Variants in KANK1 observed in about 807,000 individuals in gnomAD.
KANK1 encodes the protein KN motif and ankyrin repeat domain-containing protein 1.
In KANK1, 109 loss-of-function variants were observed where a neutral mutation model predicts 106.2. The observed-to-expected ratio is 1.03, with a 90% CI of 0.88 to 1.20. The LOEUF (loss-of-function observed/expected upper bound fraction) is 1.20, where lower values mean the gene tolerates loss of function less well. KANK1 is among the 50% of genes most tolerant of loss of function. The pLI, the probability that KANK1 is intolerant of heterozygous loss-of-function variation, is 0.00. For missense variants in KANK1, 2,399 were observed against 1,710.7 expected (o/e 1.40, Z -7.10); for synonymous variants, 873 against 652.2 (o/e 1.34, Z -5.16).
chr9:653,232 T>C (rs1841318373), intron 1 of KANK1, among the ~76,000 whole-genome samples: 1 of 152,068 alleles, frequency 6.6e-6, no homozygotes, highest in Non-Finnish European at 1.5e-5. Context: ...GCCCAGAGCA[T>C]TTAAGTAACG....
chr9:548,765 A>C (rs1208791604), intron 1 of KANK1, among the ~76,000 whole-genome samples: 2 of 152,178 alleles, frequency 1.3e-5, no homozygotes, highest in African/African-American at 4.8e-5. Context: ...TATAATGACC[A>C]CGTTATGTTT....
intron 2 of KANK1, among the ~76,000 whole-genome samples, chr9:708,996 T>C (rs1825132847): frequency 6.6e-6 from 1 of 152,240 alleles, no homozygotes; most frequent in Admixed American, 6.5e-5. Flanking sequence ...TTTAAATGTC[T>C]GGTTTAGCCT....
chr9:674,400 AGAG>A (rs149433964), intron 1 of KANK1: 63,947 of 144,310 alleles, frequency 0.44, 14,136 homozygotes, highest in East Asian at 0.66. Context: ...AAAAAAAAAA[AGAG>A]AGAGAGAAAA....
intron 1 of KANK1, among the ~76,000 whole-genome samples, chr9:569,720 T>C (rs1034085718): frequency 2.0e-5 from 3 of 152,238 alleles, no homozygotes; most frequent in Non-Finnish European, 2.9e-5. Flanking sequence ...GAAGTTTACT[T>C]CTCTGGTTGG....
At chr9:471,190 A>G (rs896616314) in intron 2 of KANK1, among the ~76,000 whole-genome samples, 4 of 152,114 alleles carry the variant, frequency 2.6e-5, no homozygotes, top group African/African-American at 9.7e-5. Flanking sequence ...GATGGACTGC[A>G]CCTCACCCCT....
At chr9:557,604 T>A (rs771055725) in intron 1 of KANK1, among the ~76,000 whole-genome samples, 2 of 152,218 alleles carry the variant, frequency 1.3e-5, no homozygotes, top group Non-Finnish European at 2.9e-5. Flanking sequence ...AATGTACATA[T>A]GATCTCATGG....
At chr9:642,863 G>T (rs568326724) in intron 1 of KANK1, among the ~76,000 whole-genome samples, 2 of 149,924 alleles carry the variant, frequency 1.3e-5, no homozygotes, top group Non-Finnish European at 2.9e-5. Flanking sequence ...CCTCTCCTTG[G>T]CTGTCTTTTC....
At chr9:518,501 G>C (rs190065296) in intron 1 of KANK1, among the ~76,000 whole-genome samples, 28 of 151,806 alleles carry the variant, frequency 1.8e-4, no homozygotes, top group Admixed American at 1.8e-3. Flanking sequence ...GGAGGGGTTC[G>C]GAGCATGGGT....
Position 710,915 on chromosome 9 carries a change from A to G in KANK1, c.149A>G (p.Asp50Gly), listed in dbSNP as rs61737971. 20 of 1,614,190 alleles carry G rather than the reference A, an allele frequency of 1.2e-5. No individual in the cohort carries two copies. In the Admixed American group the frequency reaches 2.8e-4, roughly 23 times the overall value. Residue 50 changes from aspartate (D) to glycine (G), a missense_variant, in exon 3 of 12, where the codon GAT becomes GGT. Coordinates refer to ENST00000382297, the MANE Select transcript of KANK1 (RefSeq NM_015158.5). ...GACTTAGATTTCCTCAAATATGTGG[A>G]TGACATACAGAAGGGAAATACCATC... ...QLDLDFLKYV[D>G]DIQKGNTIKR...
chr9:745,954 TG>T lies in KANK1; in HGVS notation c.*720del. The T allele has an allele frequency of 6.5e-6, 1 of 152,696 alleles. No homozygotes were observed. Among genetic ancestry groups the T allele is most frequent in the East Asian group, 1.9e-4 (1 of 5,204 alleles). The allele number at this position is 152,696 out of a possible 1,614,324, so 9.5% of individuals were successfully genotyped here. A position where few individuals can be genotyped will look rare whatever the true frequency, so the allele number is the denominator to read the frequency against. On this transcript the variant is annotated 3_prime_UTR_variant, in exon 12 of 12. Coordinates refer to ENST00000382297, the MANE Select transcript of KANK1 (RefSeq NM_015158.5). ...TGGATTGTGTTAGAGGAATCGGCTCTGTATTTGCCTCTAGAGAAACACAGTG... is the reference window on the plus strand; with the variant it reads ...TGGATTGTGTTAGAGGAATCGGCTCTTATTTGCCTCTAGAGAAACACAGTG...
At chr9:614,530 T>A (rs4585791) in intron 1 of KANK1, among the ~76,000 whole-genome samples, 53,232 of 152,056 alleles carry the variant, frequency 0.35, 10,960 homozygotes, top group African/African-American at 0.57. Context: ...TCTTAACAGT[T>A]GTGCTGCTGG....
chr9:657,029 A>C (rs1308477331), intron 1 of KANK1, among the ~76,000 whole-genome samples: 2 of 150,960 alleles, frequency 1.3e-5, no homozygotes, highest in Non-Finnish European at 1.5e-5. Context: ...GTGCTCATCA[A>C]ACAACTCTGT....
intron 1 of KANK1, among the ~76,000 whole-genome samples, chr9:600,254 A>G (rs1827397838): frequency 6.6e-6 from 1 of 151,462 alleles, no homozygotes; most frequent in Non-Finnish European, 1.5e-5. Flanking sequence ...AATTTTGACT[A>G]TTCTAGGTAC....
chr9:522,804 G>A (rs375476113), intron 1 of KANK1, among the ~76,000 whole-genome samples: 1 of 151,618 alleles, frequency 6.6e-6, no homozygotes, highest in African/African-American at 2.4e-5. Flanking sequence ...CTGACCACCA[G>A]CCTCTGACCT....
intron 1 of KANK1, among the ~76,000 whole-genome samples, chr9:545,724 CTTTTTTTTTTTT>C (rs61622402): frequency 3.9e-5 from 4 of 102,688 alleles, no homozygotes; most frequent in Non-Finnish European, 5.6e-5. Context: ...TGTACAGAGC[CTTTTTTTTTTTT>C]TTTTTTTTTT....
upstream of KANK1, among the ~76,000 whole-genome samples, chr9:502,321 TTGTA>T (rs1435171929): frequency 6.6e-6 from 1 of 152,192 alleles, no homozygotes; most frequent in Non-Finnish European, 1.5e-5. Context: ...TGGGAGTAAA[TTGTA>T]TGGCATGTGA....
intron 1 of KANK1, among the ~76,000 whole-genome samples, chr9:669,578 T>C (rs1845444234): frequency 6.6e-6 from 1 of 152,188 alleles, no homozygotes; most frequent in Admixed American, 6.5e-5. Context: ...CGGTTTCCAT[T>C]GAGAAGTGTG....
intron 1 of KANK1, among the ~76,000 whole-genome samples, chr9:619,018 G>A (rs1832524490): frequency 1.3e-5 from 2 of 152,190 alleles, no homozygotes; most frequent in Admixed American, 1.3e-4. Context: ...TACATTTTAT[G>A]AACTTAAATT....
intron 3 of KANK1, among the ~76,000 whole-genome samples, chr9:493,735 CAG>C (rs2058414893): frequency 6.6e-6 from 1 of 151,234 alleles, no homozygotes; most frequent in Non-Finnish European, 1.5e-5. Flanking sequence ...TTAGTAGAGA[CAG>C]GGTTTCACCA....
Sources: gnomAD v4.1 joint callset for allele counts (sites outside exome capture counted in the v4.1 genomes callset) on GRCh38, gnomAD v4.1.1 for gene constraint, MANE v1.5 for transcripts, NCBI Gene and HGNC (gene_info 2026-07-23, HGNC 2026-07-21) for gene names.